The following EIPR1 variants were observed in gnomAD, a reference collection of about 807,000 sequenced individuals.
EIPR1 encodes the protein EARP and GARP complex-interacting protein 1.
EIPR1 carries 25 observed loss-of-function variants against 48.1 expected under a neutral mutation model. That is an observed-to-expected ratio of 0.52 (90% CI 0.38 to 0.73). The LOEUF is 0.73. Among genes scored for constraint, EIPR1 ranks in the 30% least tolerant of loss-of-function variants. EIPR1 has a pLI of 0.00. For synonymous variants in EIPR1, 204 were observed against 201.9 expected (o/e 1.01, Z -0.09); for missense variants, 415 against 506.2 (o/e 0.82, Z 1.73).
intron 4 of EIPR1, among the ~76,000 whole-genome samples, chr2:3,225,204 T>G (rs987090251): frequency 1.3e-5 from 2 of 150,462 alleles, no homozygotes; most frequent in African/African-American, 4.9e-5. Context: ...TGTGTATATT[T>G]AGGTAGTACA....
intron 3 of EIPR1, among the ~76,000 whole-genome samples, chr2:3,329,601 C>G (rs1167238639): frequency 2.6e-5 from 4 of 151,610 alleles, no homozygotes; most frequent in East Asian, 3.9e-4. Context: ...CTGGACTCCT[C>G]TAGATCACAG....
chr2:3,367,002 G>A (rs887146880), intron 1 of EIPR1, among the ~76,000 whole-genome samples: 11 of 151,514 alleles, frequency 7.3e-5, no homozygotes, highest in Non-Finnish European at 1.3e-4. Context: ...CCAAGATTGC[G>A]CCACTGTACT....
intron 3 of EIPR1, among the ~76,000 whole-genome samples, chr2:3,306,862 G>A (rs1049411556): frequency 5.3e-5 from 8 of 152,108 alleles, no homozygotes; most frequent in African/African-American, 1.7e-4. Context: ...AAAGTCAACT[G>A]TACTGTATAG....
chr2:3,198,928 T>C (rs1056583037), intron 5 of EIPR1, among the ~76,000 whole-genome samples: 1 of 152,076 alleles, frequency 6.6e-6, no homozygotes, highest in Non-Finnish European at 1.5e-5. Context: ...AGAGAACCCA[T>C]CTGACTAGAA....
intron 3 of EIPR1, among the ~76,000 whole-genome samples, chr2:3,333,941 A>G (rs1669971326): frequency 6.6e-6 from 1 of 152,138 alleles, no homozygotes; most frequent in Non-Finnish European, 1.5e-5. Context: ...TGCCCCACGC[A>G]GGGTGTGCGC....
intron 6 of EIPR1, among the ~76,000 whole-genome samples, chr2:3,195,090 T>C (rs1256810030): frequency 6.6e-6 from 1 of 152,242 alleles, no homozygotes; most frequent in East Asian, 1.9e-4. Flanking sequence ...CTGGATCCTA[T>C]GGTCCTTGGC....
intron 3 of EIPR1, among the ~76,000 whole-genome samples, chr2:3,268,893 A>G (rs1313596367): frequency 6.6e-6 from 1 of 152,138 alleles, no homozygotes; most frequent in Non-Finnish European, 1.5e-5. Context: ...TACAAAGCCT[A>G]CCTATGTCAT....
intron 2 of EIPR1, among the ~76,000 whole-genome samples, chr2:3,344,528 T>C (rs1670344169): frequency 6.6e-6 from 1 of 152,176 alleles, no homozygotes; most frequent in African/African-American, 2.4e-5. Context: ...TCACTAACCC[T>C]TTCTGGGCTC....
chr2:3,319,812 ACCGC>A (rs1327508800), intron 3 of EIPR1: 158 of 115,492 alleles, frequency 1.4e-3, no homozygotes, highest in Middle Eastern at 5.2e-3. Context: ...TGCGGGCAAC[ACCGC>A]ACCTGCAGGC....
At chr2:3,293,792 T>C (rs1299788734) in intron 3 of EIPR1, among the ~76,000 whole-genome samples, 3 of 152,204 alleles carry the variant, frequency 2.0e-5, no homozygotes, top group Non-Finnish European at 4.4e-5. Flanking sequence ...AATGATCAAG[T>C]CATCTTCAAC....
intron 1 of EIPR1, among the ~76,000 whole-genome samples, chr2:3,375,961 G>A (rs1280081327): frequency 3.9e-5 from 6 of 152,120 alleles, no homozygotes; most frequent in Non-Finnish European, 5.9e-5. Flanking sequence ...CTGCTGCCCT[G>A]TATAAAATTT....
chr2:3,299,377 C>A (rs1333703966), intron 3 of EIPR1, among the ~76,000 whole-genome samples: 1 of 152,066 alleles, frequency 6.6e-6, no homozygotes, highest in African/African-American at 2.4e-5. Context: ...ATTGTCCCAG[C>A]GACTCTGCTT....
intron 4 of EIPR1, among the ~76,000 whole-genome samples, chr2:3,222,449 T>C (rs1359197665): frequency 1.3e-5 from 2 of 152,180 alleles, no homozygotes; most frequent in Admixed American, 6.5e-5. Context: ...ACTTTTTAGA[T>C]CTATGAAGAA....
At chr2:3,305,610 C>A (rs902938583) in intron 3 of EIPR1, among the ~76,000 whole-genome samples, 3 of 152,216 alleles carry the variant, frequency 2.0e-5, no homozygotes, top group African/African-American at 7.2e-5. Context: ...CTGGGGCCAC[C>A]TTCACAGACC....
At chr2:3,318,328 C>T (rs1408501927) in intron 3 of EIPR1, among the ~76,000 whole-genome samples, 1 of 152,176 alleles carries the variant, frequency 6.6e-6, no homozygotes, top group African/African-American at 2.4e-5. Context: ...AACAAAGCAC[C>T]CGGCAAATGA....
chr2:3,280,725 G>C (rs1667989896), intron 3 of EIPR1, among the ~76,000 whole-genome samples: 1 of 152,166 alleles, frequency 6.6e-6, no homozygotes, highest in East Asian at 1.9e-4. Flanking sequence ...CCACAATATG[G>C]CTCCTAGAGG....
chr2:3,271,854 C>T (rs1040595274), intron 3 of EIPR1, among the ~76,000 whole-genome samples: 2 of 151,784 alleles, frequency 1.3e-5, no homozygotes, highest in African/African-American at 4.9e-5. Flanking sequence ...TTTGACTTCT[C>T]CTCTTTTGCT....
intron 2 of EIPR1, among the ~76,000 whole-genome samples, chr2:3,348,751 G>A (rs951761432): frequency 1.3e-5 from 2 of 152,242 alleles, no homozygotes. Context: ...TGAAAGGAGC[G>A]AGGACCTGAG....
chr2:3,194,722 G>A (rs1664750092), intron 6 of EIPR1, among the ~76,000 whole-genome samples: 1 of 151,694 alleles, frequency 6.6e-6, no homozygotes, highest in Non-Finnish European at 1.5e-5. Flanking sequence ...GAAGGCCATG[G>A]AAGCAGGAAG....
Sources: allele counts gnomAD v4.1 joint callset (sites outside exome capture counted in the v4.1 genomes callset), GRCh38; gene constraint gnomAD v4.1.1; transcripts MANE v1.5; gene names NCBI Gene and HGNC (gene_info 2026-07-23, HGNC 2026-07-21).